The following BMP6 variants were observed in gnomAD, a reference collection of about 807,000 sequenced individuals.
BMP6 encodes bone morphogenetic protein 6.
Under a neutral mutation model 54.1 loss-of-function variants are expected in BMP6, and 17 were observed. That is an observed-to-expected ratio of 0.31 (90% CI 0.22 to 0.47). The LOEUF is 0.47. BMP6 is among the 20% of genes least tolerant of loss of function. The pLI, the probability that BMP6 is intolerant of heterozygous loss-of-function variation, is 1.00. For missense variants in BMP6, 720 were observed against 690.4 expected, an observed-to-expected ratio of 1.04 and a Z score of -0.48; for synonymous variants, 328 against 291.2, an observed-to-expected ratio of 1.13 and a Z score of -1.28.
intron 2 of BMP6, 111 bp downstream of exon 2, chr6:7,845,443 A>G: frequency 1.0e-6 from 1 of 973,964 alleles, no homozygotes; most frequent in Non-Finnish European, 1.5e-6. Context: ...GTTCAGGGGC[A>G]GCATGTGAGT....
intron 1 of BMP6, among the ~76,000 whole-genome samples, chr6:7,826,488 C>T (rs907001226): frequency 6.6e-6 from 1 of 152,160 alleles, no homozygotes. Flanking sequence ...ACTTATGTTG[C>T]ACTGGGCTCC....
chr6:7,813,350 G>A (rs1443355605), intron 1 of BMP6, among the ~76,000 whole-genome samples: 1 of 143,442 alleles, frequency 7.0e-6, no homozygotes, highest in South Asian at 2.2e-4. Context: ...GGCCAGATAT[G>A]ATGGCGTATA....
chr6:7,756,745 T>A (rs1383195956), intron 1 of BMP6, among the ~76,000 whole-genome samples: 1 of 152,254 alleles, frequency 6.6e-6, no homozygotes, highest in African/African-American at 2.4e-5. Flanking sequence ...TATGGTGGAT[T>A]CAGACAGGCC....
chr6:7,854,045 A>T (rs1399075100), intron 2 of BMP6, among the ~76,000 whole-genome samples: 1 of 152,230 alleles, frequency 6.6e-6, no homozygotes, highest in Non-Finnish European at 1.5e-5. Context: ...CACTCAAAAG[A>T]ATGCTAAAAC....
chr6:7,841,245 T>C (rs1758964343), intron 1 of BMP6, among the ~76,000 whole-genome samples: 1 of 152,208 alleles, frequency 6.6e-6, no homozygotes, highest in Admixed American at 6.5e-5. Flanking sequence ...CCAACACTCT[T>C]AACTACGACT....
chr6:7,786,325 C>T (rs1403248157), intron 1 of BMP6, among the ~76,000 whole-genome samples: 2 of 152,186 alleles, frequency 1.3e-5, no homozygotes, highest in African/African-American at 4.8e-5. Context: ...GTGGCATATG[C>T]TTTGTGCTTG....
At chr6:7,849,086 CAAGAT>C (rs1238152010) in intron 2 of BMP6, among the ~76,000 whole-genome samples, 1 of 152,180 alleles carries the variant, frequency 6.6e-6, no homozygotes, top group Non-Finnish European at 1.5e-5. Context: ...GGTACAGTCT[CAAGAT>C]AAAGACGAAG....
chr6:7,755,718 A>G (rs1234786298), intron 1 of BMP6, among the ~76,000 whole-genome samples: 1 of 151,850 alleles, frequency 6.6e-6, no homozygotes, highest in Non-Finnish European at 1.5e-5. Context: ...TTAACTTTTC[A>G]TGTAATACTT....
intron 1 of BMP6, among the ~76,000 whole-genome samples, chr6:7,752,934 C>T (rs991198246): frequency 2.2e-4 from 33 of 152,254 alleles, no homozygotes; most frequent in African/African-American, 7.7e-4. Flanking sequence ...CTACACCTAG[C>T]CTCCAGGGAT....
intron 1 of BMP6, among the ~76,000 whole-genome samples, chr6:7,753,528 C>T (rs979151179): frequency 2.6e-5 from 4 of 152,182 alleles, no homozygotes; most frequent in Admixed American, 6.5e-5. Context: ...AGCCCTCCTT[C>T]TGCACAGCGG....
chr6:7,878,685 C>A (rs992146222), intron 4 of BMP6, among the ~76,000 whole-genome samples: 1 of 152,202 alleles, frequency 6.6e-6, no homozygotes, highest in Non-Finnish European at 1.5e-5. Context: ...CCTGTTTGGA[C>A]TGCAGCAAAT....
intron 1 of BMP6, among the ~76,000 whole-genome samples, chr6:7,745,336 C>A (rs1757330759): frequency 6.6e-6 from 1 of 152,200 alleles, no homozygotes; most frequent in Admixed American, 6.5e-5. Flanking sequence ...TGCAGTGGTG[C>A]AATCATGGCT....
chr6:7,825,755 T>C (rs925813999), intron 1 of BMP6, among the ~76,000 whole-genome samples: 10 of 151,808 alleles, frequency 6.6e-5, no homozygotes, highest in African/African-American at 1.2e-4. Context: ...AAAAAAACTT[T>C]AGTGTTTTTC....
At chr6:7,732,259 T>C (rs1193573033) in intron 1 of BMP6, among the ~76,000 whole-genome samples, 1 of 152,212 alleles carries the variant, frequency 6.6e-6, no homozygotes, top group Admixed American at 6.5e-5. Flanking sequence ...AGAGTGTGAT[T>C]CAAAGAAGCA....
Position 7,727,384 on chromosome 6 carries a change from G to C in BMP6, c.429G>C (p.Leu143=), listed in dbSNP as rs1229429608. 6.2e-7 allele frequency: 1 copy of C among 1,608,554 alleles called. No individual in the cohort carries two copies. The highest frequency in any genetic ancestry group is 1.7e-5 in the Admixed American group (1 of 59,736). ...PLFMLDLYNA[L]SADNDEDGAS... ...TCATGCTGGATCTGTACAACGCCCTGTCCGCCGACAACGACGAGGACGGGG... is the reference window on the plus strand; with the variant it reads ...TCATGCTGGATCTGTACAACGCCCTCTCCGCCGACAACGACGAGGACGGGG... Residue 143 remains leucine, a synonymous_variant, in exon 1 of 7, where the codon CTG becomes CTC. Coordinates refer to ENST00000283147, the MANE Select transcript of BMP6 (RefSeq NM_001718.6).
intron 1 of BMP6, among the ~76,000 whole-genome samples, chr6:7,748,705 G>T (rs1225470942): frequency 6.6e-6 from 1 of 152,156 alleles, no homozygotes; most frequent in Non-Finnish European, 1.5e-5. Context: ...TAAGCTTACC[G>T]AGGTGAATGA....
At chr6:7,856,610 T>TTTTTTTTTTTTTTTTTTTTTTTG (rs1477184469) in intron 2 of BMP6, among the ~76,000 whole-genome samples, 7 of 122,154 alleles carry the variant, frequency 5.7e-5, no homozygotes, top group Admixed American at 8.7e-5. Flanking sequence ...TTTTTTTTTT[T>TTTTTTTTTTTTTTTTTTTTTTTG]TTTTGAGACG....
intron 1 of BMP6, among the ~76,000 whole-genome samples, chr6:7,827,065 C>T (rs532942539): frequency 9.2e-5 from 14 of 152,274 alleles, no homozygotes; most frequent in East Asian, 3.9e-4. Context: ...GCTTGCTGCC[C>T]GTATCTACAG....
intron 1 of BMP6, among the ~76,000 whole-genome samples, chr6:7,807,016 A>G (rs940785204): frequency 6.6e-6 from 1 of 152,226 alleles, no homozygotes; most frequent in Admixed American, 6.5e-5. Flanking sequence ...TTTCTCTGCT[A>G]TCCCATTTCA....
Sources: allele counts gnomAD v4.1 joint callset (sites outside exome capture counted in the v4.1 genomes callset), GRCh38; gene constraint gnomAD v4.1.1; transcripts MANE v1.5; gene names NCBI Gene and HGNC (gene_info 2026-07-23, HGNC 2026-07-21).